Variants in TRAF3 observed in about 807,000 individuals in gnomAD.
TRAF3 encodes the protein TNF receptor associated factor 3, also known as TNF receptor-associated factor 3.
Under a neutral mutation model 62.3 loss-of-function variants are expected in TRAF3, and 13 were observed. That is an observed-to-expected ratio of 0.21 (90% CI 0.14 to 0.33). The LOEUF (loss-of-function observed/expected upper bound fraction) is 0.33. Ranked by LOEUF, TRAF3 falls within the 10% of genes least tolerant of loss-of-function variation. TRAF3 has a pLI of 1.00. For synonymous variants in TRAF3, 269 were observed against 283.4 expected, an observed-to-expected ratio of 0.95 and a Z score of 0.51; for missense variants, 440 against 741.8, an observed-to-expected ratio of 0.59 and a Z score of 4.73.
chr14:102,853,905 CA>C (rs1887204779), intron 2 of TRAF3, among the ~76,000 whole-genome samples: 1 of 151,998 alleles, frequency 6.6e-6, no homozygotes, highest in Admixed American at 6.6e-5. Flanking sequence ...TTCATCACCC[CA>C]AAAAGAAACC....
At chr14:102,821,931 A>G (rs114610406) in intron 1 of TRAF3, among the ~76,000 whole-genome samples, 2 of 152,158 alleles carry the variant, frequency 1.3e-5, no homozygotes, top group Non-Finnish European at 2.9e-5. Context: ...AATCCTAGCT[A>G]TTCGAGAGGC....
intron 2 of TRAF3, among the ~76,000 whole-genome samples, chr14:102,832,807 A>G (rs554469996): frequency 3.3e-5 from 5 of 152,324 alleles, no homozygotes; most frequent in African/African-American, 1.2e-4. Flanking sequence ...TTGGTACCCT[A>G]GAATTAGAAC....
chr14:102,825,245 T>C lies in TRAF3; in HGVS notation c.-156-5089T>C, dbSNP rs151086562. Among the ~76,000 whole-genome samples, 870 of 152,294 alleles carry C rather than the reference T, an allele frequency of 5.7e-3. 9 individuals carry two copies. The highest frequency in any genetic ancestry group is 9.8e-3 in the Admixed American group (150 of 15,300). Reference sequence around the variant, plus strand: ...AGCACCCACTGGTGCACTTGGAAAGTGATTTCTCCTGTTAAAGCCTCGCTG... The same window carrying C: ...AGCACCCACTGGTGCACTTGGAAAGCGATTTCTCCTGTTAAAGCCTCGCTG... On this transcript the variant is annotated intron_variant, in intron 1 of 11. Coordinates refer to ENST00000392745, the MANE Select transcript of TRAF3 (RefSeq NM_145725.3).
At chr14:102,811,563 T>TG (rs1449799123) in intron 1 of TRAF3, among the ~76,000 whole-genome samples, 7 of 149,724 alleles carry the variant, frequency 4.7e-5, no homozygotes, top group South Asian at 2.1e-4. Context: ...TTTTTTTTTT[T>TG]TTTTTTTTTT....
chr14:102,857,059 A>G (rs996356394), intron 2 of TRAF3, among the ~76,000 whole-genome samples: 17 of 152,258 alleles, frequency 1.1e-4, no homozygotes, highest in Admixed American at 3.3e-4. Flanking sequence ...TATCCTGAGT[A>G]AACTAAACAA....
intron 10 of TRAF3, among the ~76,000 whole-genome samples, chr14:102,899,105 ACT>A (rs1890147573): frequency 6.6e-6 from 1 of 151,600 alleles, no homozygotes; most frequent in Admixed American, 6.6e-5. Flanking sequence ...ACATGTGAAA[ACT>A]CTTCTCCATG....
At chr14:102,825,718 C>CA (rs1212723783) in intron 1 of TRAF3, among the ~76,000 whole-genome samples, 1 of 152,248 alleles carries the variant, frequency 6.6e-6, no homozygotes, top group Non-Finnish European at 1.5e-5. Flanking sequence ...GGCGCTGCCA[C>CA]AGAGAACAAG....
chr14:102,818,123 A>G (rs1015067829), intron 1 of TRAF3, among the ~76,000 whole-genome samples: 10 of 152,294 alleles, frequency 6.6e-5, no homozygotes, highest in African/African-American at 2.2e-4. Flanking sequence ...CGCCAGGGAC[A>G]TTTTAGTGAC....
intron 2 of TRAF3, among the ~76,000 whole-genome samples, chr14:102,844,228 A>G (rs1038377301): frequency 6.6e-6 from 1 of 152,246 alleles, no homozygotes; most frequent in Non-Finnish European, 1.5e-5. Context: ...GATTGTATCA[A>G]TGAGGGCTCT....
At chr14:102,890,464 A>G (rs1369875316) in intron 8 of TRAF3, among the ~76,000 whole-genome samples, 2 of 152,222 alleles carry the variant, frequency 1.3e-5, no homozygotes, top group Admixed American at 6.5e-5. Context: ...TTAGTCTCTA[A>G]CAAGACTGAG....
At chr14:102,780,243 C>G (rs1464441454) in intron 1 of TRAF3, among the ~76,000 whole-genome samples, 1 of 151,982 alleles carries the variant, frequency 6.6e-6, no homozygotes, top group Non-Finnish European at 1.5e-5. Flanking sequence ...GGGATAGGTG[C>G]CATGTGGTTT....
At chr14:102,884,731 G>A (rs1055113063) in intron 6 of TRAF3, among the ~76,000 whole-genome samples, 1 of 151,814 alleles carries the variant, frequency 6.6e-6, no homozygotes, top group Non-Finnish European at 1.5e-5. Context: ...AGAATTGCTT[G>A]AACCCAGGAG....
chr14:102,883,138 GCCAGGTGTGA>G (rs1889162462), intron 6 of TRAF3, among the ~76,000 whole-genome samples: 1 of 152,192 alleles, frequency 6.6e-6, no homozygotes, highest in Non-Finnish European at 1.5e-5. Flanking sequence ...AGGAAATGTG[GCCAGGTGTGA>G]CCAGAGCCGC....
intron 2 of TRAF3, among the ~76,000 whole-genome samples, chr14:102,849,348 G>C (rs1457531990): frequency 1.3e-5 from 2 of 152,228 alleles, no homozygotes; most frequent in Non-Finnish European, 2.9e-5. Context: ...GTTGCATATC[G>C]AGTGGACTGA....
chr14:102,868,437 CT>C (rs1888135572), intron 2 of TRAF3, among the ~76,000 whole-genome samples: 1 of 152,164 alleles, frequency 6.6e-6, no homozygotes, highest in African/African-American at 2.4e-5. Flanking sequence ...TGGCCAGGGG[CT>C]GTTGACAGTG....
intron 1 of TRAF3, among the ~76,000 whole-genome samples, chr14:102,799,970 G>C (rs140345703): frequency 1.6e-4 from 24 of 152,250 alleles, no homozygotes; most frequent in African/African-American, 5.5e-4. Context: ...AACATTTTGT[G>C]GTCATTGCTG....
intron 9 of TRAF3, among the ~76,000 whole-genome samples, chr14:102,892,286 G>GACCTCAGGTGATCTGCCC (rs1168653692): frequency 6.6e-6 from 1 of 152,094 alleles, no homozygotes; most frequent in Non-Finnish European, 1.5e-5. Flanking sequence ...TCAAACTCCC[G>GACCTCAGGTGATCTGCCC]ACCTCAGGTG....
chr14:102,873,987 T>C (rs1239500655), intron 4 of TRAF3, among the ~76,000 whole-genome samples: 1 of 152,122 alleles, frequency 6.6e-6, no homozygotes, highest in Non-Finnish European at 1.5e-5. Flanking sequence ...GAGCTGGGCA[T>C]GGTGCCTTAT....
chr14:102,876,335 A>G (rs1371236103), intron 5 of TRAF3, 23 bp from the exon 6 acceptor site: 1 of 1,613,540 alleles, frequency 6.2e-7, no homozygotes, highest in Non-Finnish European at 8.5e-7. Context: ...CCAATTAAGA[A>G]CATTGAATGG....
Sources: gnomAD v4.1 joint callset for allele counts (sites outside exome capture counted in the v4.1 genomes callset) on GRCh38, gnomAD v4.1.1 for gene constraint, MANE v1.5 for transcripts, NCBI Gene and HGNC (gene_info 2026-07-23, HGNC 2026-07-21) for gene names.